EVC2: variants seen among roughly 807,000 people sequenced by gnomAD.
EVC2 encodes EvC ciliary complex subunit 2, also known as limbin.
In EVC2, 148 loss-of-function variants were observed where a neutral mutation model predicts 149.3. The observed-to-expected ratio is 0.99, with a 90% CI of 0.87 to 1.14. The LOEUF is 1.14. EVC2 is among the 50% of genes most tolerant of loss of function. The pLI is 0.00. For synonymous variants in EVC2, 776 were observed against 649.9 expected, an observed-to-expected ratio of 1.19 and a Z score of -2.95; for missense variants, 1,854 against 1,627.3, an observed-to-expected ratio of 1.14 and a Z score of -2.40.
intron 4 of EVC2, 28 bp from the exon 5 acceptor site, chr4:5,689,371 C>A (rs778635168): frequency 1.2e-6 from 2 of 1,612,912 alleles, no homozygotes; most frequent in South Asian, 1.1e-5. Context: ...GGCATGAGGG[C>A]AGATTTGCTG....
intron 9 of EVC2, among the ~76,000 whole-genome samples, chr4:5,654,835 C>G (rs12108577): frequency 0.12 from 17,871 of 152,206 alleles, 1,684 homozygotes; most frequent in African/African-American, 0.26. Flanking sequence ...GAGTGAGAAA[C>G]ATGTTGAGTG....
At chr4:5,583,725 A>AT (rs200610067) in intron 17 of EVC2, among the ~76,000 whole-genome samples, 1 of 151,160 alleles carries the variant, frequency 6.6e-6, no homozygotes, top group African/African-American at 2.4e-5. Flanking sequence ...TGTCTTTTAT[A>AT]TTTTTTAATG....
intron 21 of EVC2, among the ~76,000 whole-genome samples, chr4:5,551,431 G>A (rs1721736216): frequency 6.6e-6 from 1 of 152,198 alleles, no homozygotes; most frequent in Admixed American, 6.5e-5. Flanking sequence ...CATGGGGCCT[G>A]TAGCCCCTCT....
At chr4:5,555,035 T>A (rs1721809074) in intron 21 of EVC2, among the ~76,000 whole-genome samples, 1 of 147,604 alleles carries the variant, frequency 6.8e-6, no homozygotes, top group South Asian at 2.2e-4. Context: ...TGTGTGTGTG[T>A]GTGTGTGTCT....
At chr4:5,690,147 A>G (rs1040583086) in intron 4 of EVC2, among the ~76,000 whole-genome samples, 5 of 152,274 alleles carry the variant, frequency 3.3e-5, no homozygotes, top group South Asian at 2.1e-4. Context: ...GCACACACTT[A>G]TAACTGCATG....
intron 16 of EVC2, among the ~76,000 whole-genome samples, chr4:5,593,556 G>T (rs751141240): frequency 7.2e-5 from 11 of 152,208 alleles, no homozygotes; most frequent in Non-Finnish European, 1.3e-4. Context: ...AAATATAAAT[G>T]TGCATTTGAA....
rs200717964 is a variant in EVC2 at position 5,685,446 on chromosome 4, G to A, written c.740C>T (p.Thr247Met). The A allele has an allele frequency of 9.6e-5, 155 of 1,614,082 alleles. No homozygotes were observed. Among genetic ancestry groups the A allele is most frequent in the Admixed American group, 1.5e-4 (9 of 60,008 alleles). ...GDAFAVSYAATLQAGDLGNGE... is the reference protein window; with the variant it reads ...GDAFAVSYAAMLQAGDLGNGE... ...GTTCCCGAGGTCTCCAGCCTGGAGC[G>A]TGGCTGCGTAGCTGACAGCAAAGGC... The change falls in exon 6 of 22, where the codon ACG (threonine) becomes ATG (methionine). Residue 247 changes from threonine to methionine, a missense_variant. Transcript: ENST00000344408.
At chr4:5,694,723 C>T (rs571841872) in intron 2 of EVC2, among the ~76,000 whole-genome samples, 4 of 152,232 alleles carry the variant, frequency 2.6e-5, no homozygotes, top group South Asian at 2.1e-4. Flanking sequence ...TTCAAAGCCT[C>T]GTCTCCTTAC....
chr4:5,553,650 G>A (rs1577089127), intron 21 of EVC2, among the ~76,000 whole-genome samples: 1 of 152,280 alleles, frequency 6.6e-6, no homozygotes, highest in South Asian at 2.1e-4. Flanking sequence ...TTATAGTTAT[G>A]ATTGCACAAC....
At chr4:5,621,219 A>G (rs1234799022) in intron 14 of EVC2, among the ~76,000 whole-genome samples, 1 of 152,230 alleles carries the variant, frequency 6.6e-6, no homozygotes, top group Non-Finnish European at 1.5e-5. Context: ...GGAGGCCAGC[A>G]AGATTCTAGG....
At chr4:5,587,920 G>C (rs932852599) in intron 16 of EVC2, among the ~76,000 whole-genome samples, 1 of 152,138 alleles carries the variant, frequency 6.6e-6, no homozygotes, top group Non-Finnish European at 1.5e-5. Flanking sequence ...CTGTCTGCTT[G>C]TGGATTTCAT....
At chr4:5,707,591 C>T (rs889657870) in intron 1 of EVC2, among the ~76,000 whole-genome samples, 2 of 152,012 alleles carry the variant, frequency 1.3e-5, no homozygotes, top group African/African-American at 4.8e-5. Context: ...AAAACCATCA[C>T]CAAGGGCTGG....
chr4:5,575,362 T>G (rs937764295), intron 18 of EVC2, among the ~76,000 whole-genome samples: 29 of 152,208 alleles, frequency 1.9e-4, no homozygotes, highest in African/African-American at 6.5e-4. Flanking sequence ...ATATGAATAC[T>G]ATATGCCCTA....
downstream of EVC2, among the ~76,000 whole-genome samples, chr4:5,559,591 A>T (rs539956319): frequency 1.3e-5 from 2 of 152,282 alleles, no homozygotes; most frequent in South Asian, 4.2e-4. The surrounding 1 kb of genome is among the most constrained non-coding windows in gnomAD (Gnocchi z 5.0). Flanking sequence ...CTTTTAGACC[A>T]CCTTCTAGTG....
At chr4:5,666,404 T>G (rs556833261) in intron 7 of EVC2, among the ~76,000 whole-genome samples, 1 of 152,320 alleles carries the variant, frequency 6.6e-6, no homozygotes, top group East Asian at 1.9e-4. Context: ...AGGAGTGTGT[T>G]CCTAATTCAG....
At chr4:5,539,243 T>G (rs1030439830), downstream of EVC2, among the ~76,000 whole-genome samples, 2 of 152,180 alleles carry the variant, frequency 1.3e-5, no homozygotes, top group Non-Finnish European at 2.9e-5. Flanking sequence ...CTGACAAAAG[T>G]ACACTGAAAC....
chr4:5,675,039 C>A (rs1159083663), intron 7 of EVC2, among the ~76,000 whole-genome samples: 1 of 152,240 alleles, frequency 6.6e-6, no homozygotes, highest in Non-Finnish European at 1.5e-5. Flanking sequence ...CGGGCCGCCA[C>A]TGTGCTTCAA....
intron 15 of EVC2, among the ~76,000 whole-genome samples, chr4:5,615,935 C>T (rs1168696649): frequency 2.6e-5 from 4 of 151,812 alleles, no homozygotes; most frequent in Admixed American, 6.5e-5. Flanking sequence ...TCCATGACAG[C>T]GGAGAAAACA....
At chr4:5,549,072 A>G (rs1471500437) in intron 21 of EVC2, among the ~76,000 whole-genome samples, 1 of 149,502 alleles carries the variant, frequency 6.7e-6, no homozygotes, top group East Asian at 2.0e-4. Context: ...TTTTATTACC[A>G]TTATTTACTA....
Sources: allele counts gnomAD v4.1 joint callset (sites outside exome capture counted in the v4.1 genomes callset), GRCh38; gene constraint gnomAD v4.1.1; non-coding constraint Gnocchi (gnomAD v3.1); transcripts MANE v1.5; gene names NCBI Gene and HGNC (gene_info 2026-07-23, HGNC 2026-07-21).